Variants in FBXL20 observed in about 807,000 individuals in gnomAD.
FBXL20 encodes the protein F-box/LRR-repeat protein 20.
A neutral mutation model predicts 64.0 loss-of-function variants in FBXL20; 11 were observed. That is an observed-to-expected ratio of 0.17 (90% CI 0.11 to 0.28). The LOEUF (loss-of-function observed/expected upper bound fraction) is 0.28, where lower values mean the gene tolerates loss of function less well. FBXL20 is among the 10% of genes least tolerant of loss of function. The probability of loss-of-function intolerance (pLI) is 1.00; values close to 1 mark genes in which losing one functional copy is unlikely to be tolerated. For missense variants in FBXL20, 303 were observed against 526.2 expected, an observed-to-expected ratio of 0.58 and a Z score of 4.15; for synonymous variants, 184 against 189.0, an observed-to-expected ratio of 0.97 and a Z score of 0.22.
At chr17:39,276,356 A>G (rs2046894203) in intron 9 of FBXL20, among the ~76,000 whole-genome samples, 1 of 148,964 alleles carries the variant, frequency 6.7e-6, no homozygotes, top group Admixed American at 6.7e-5. Context: ...AGAAGAAAGA[A>G]AGGAAGAAGG....
At chr17:39,386,224 T>C (rs2048078566) in intron 1 of FBXL20, among the ~76,000 whole-genome samples, 2 of 151,796 alleles carry the variant, frequency 1.3e-5, no homozygotes, top group Non-Finnish European at 2.9e-5. Flanking sequence ...GGAGAATCTC[T>C]TGAACCTGGG....
rs1055601131 is a variant in FBXL20 at position 39,398,054 on chromosome 17, G to T, written c.42+3307C>A. On this transcript the variant is annotated intron_variant, in intron 1 of 14. Coordinates refer to ENST00000264658, the MANE Select transcript of FBXL20 (RefSeq NM_032875.3). ...AGGCCGGCGGGCGGGGGGGGGGGGG[G>T]GGTTGGATCACGAGGTCAGGAGCTC... Among the ~76,000 whole-genome samples, 8 of 88,208 alleles carry T rather than the reference G, an allele frequency of 9.1e-5. 2 individuals are homozygous for T. The highest frequency in any genetic ancestry group is 6.5e-4 in the South Asian group (1 of 1,540). 57.9% of individuals were successfully genotyped at this position (88,208 alleles called of 152,430 possible).
chr17:39,333,094 C>T (rs1008986491), intron 2 of FBXL20, among the ~76,000 whole-genome samples: 1 of 152,074 alleles, frequency 6.6e-6, no homozygotes, highest in Non-Finnish European at 1.5e-5. Context: ...TGAGTCACAC[C>T]TGGCTCTCTA....
intron 1 of FBXL20, among the ~76,000 whole-genome samples, chr17:39,381,380 T>C (rs2048021470): frequency 6.8e-6 from 1 of 146,906 alleles, no homozygotes; most frequent in South Asian, 2.1e-4. Context: ...CTTAGGAGGC[T>C]GAGGCAGGAG....
At chr17:39,324,120 T>G (rs1485549489) in intron 2 of FBXL20, among the ~76,000 whole-genome samples, 1 of 146,978 alleles carries the variant, frequency 6.8e-6, no homozygotes, top group Non-Finnish European at 1.5e-5. Context: ...CAAGATTTAG[T>G]TCTTATTCTT....
chr17:39,365,734 G>A (rs956708509), intron 1 of FBXL20, among the ~76,000 whole-genome samples: 2 of 152,158 alleles, frequency 1.3e-5, no homozygotes, highest in African/African-American at 2.4e-5. Flanking sequence ...GGACCTGGAG[G>A]ATTCCATGAA....
chr17:39,332,864 T>C (rs939834349), intron 2 of FBXL20, among the ~76,000 whole-genome samples: 3 of 152,096 alleles, frequency 2.0e-5, no homozygotes, highest in Admixed American at 6.6e-5. Flanking sequence ...TAATAAACCA[T>C]AGTTGTGTGT....
At chr17:39,392,718 AAAGT>A (rs781496447) in intron 1 of FBXL20, among the ~76,000 whole-genome samples, 3 of 152,074 alleles carry the variant, frequency 2.0e-5, no homozygotes, top group Admixed American at 6.5e-5. Context: ...TCACAAATTA[AAAGT>A]AAAACTGAGG....
chr17:39,279,101 A>G lies in FBXL20; in HGVS notation c.696+2288T>C, dbSNP rs1001471444. Among the ~76,000 whole-genome samples the G allele has an allele frequency of 3.3e-5, 5 of 151,978 alleles. No homozygotes were observed. In the South Asian group the frequency reaches 1.0e-3, roughly 32 times the overall value. On this transcript the variant is annotated intron_variant, in intron 9 of 14. Transcript: ENST00000264658. ...GGAGGTTGCAGAGAGCCGAGATCGC[A>G]CCACTGCACTCCAGCCTGGGCGATA...
intron 1 of FBXL20, among the ~76,000 whole-genome samples, chr17:39,381,951 G>T (rs1242803696): frequency 6.6e-6 from 1 of 150,770 alleles, no homozygotes; most frequent in Non-Finnish European, 1.5e-5. Flanking sequence ...CAAATTAGCT[G>T]GGCGTGGTGG....
chr17:39,288,385 T>C (rs1457049312), intron 6 of FBXL20, among the ~76,000 whole-genome samples: 1 of 152,192 alleles, frequency 6.6e-6, no homozygotes, highest in East Asian at 1.9e-4. Flanking sequence ...TTCTAAGAGC[T>C]TTCTATATAC....
chr17:39,338,065 T>C (rs865976251), intron 2 of FBXL20, among the ~76,000 whole-genome samples: 1 of 152,148 alleles, frequency 6.6e-6, no homozygotes, highest in African/African-American at 2.4e-5. Context: ...GAACGGGCCA[T>C]GATGACAATG....
chr17:39,267,187 G>A (rs1489875390), intron 12 of FBXL20, among the ~76,000 whole-genome samples: 3 of 152,226 alleles, frequency 2.0e-5, no homozygotes, highest in East Asian at 1.9e-4. Context: ...GGGAAGTGGA[G>A]GTTGCAGTGA....
intron 2 of FBXL20, among the ~76,000 whole-genome samples, chr17:39,327,897 T>C (rs931633567): frequency 3.9e-5 from 6 of 152,036 alleles, no homozygotes; most frequent in Non-Finnish European, 5.9e-5. Context: ...CTCTGTCTTA[T>C]GAGAAAGTCT....
intron 4 of FBXL20, among the ~76,000 whole-genome samples, chr17:39,299,799 C>CAACAAA (rs1044135384): frequency 1.6e-4 from 22 of 140,914 alleles, no homozygotes; most frequent in African/African-American, 2.7e-5. Flanking sequence ...ACAACAACAA[C>CAACAAA]AACAAAAACA....
intron 2 of FBXL20, among the ~76,000 whole-genome samples, chr17:39,310,576 A>G (rs1225853608): frequency 6.6e-6 from 1 of 152,102 alleles, no homozygotes; most frequent in Non-Finnish European, 1.5e-5. Flanking sequence ...GGGTAGGCAC[A>G]GTGGCTCATG....
At chr17:39,310,046 G>A (rs930587756) in intron 2 of FBXL20, among the ~76,000 whole-genome samples, 16 of 151,306 alleles carry the variant, frequency 1.1e-4, no homozygotes, top group African/African-American at 1.9e-4. Context: ...TCAGTTACTC[G>A]GGAGGCTGAG....
intron 10 of FBXL20, among the ~76,000 whole-genome samples, chr17:39,272,701 C>CAA (rs56138431): frequency 7.1e-5 from 7 of 98,856 alleles, no homozygotes; most frequent in Admixed American, 1.1e-4. Context: ...AACTCTATCT[C>CAA]AAAAAAAAAA....
chr17:39,362,248 G>C (rs1243501175), intron 1 of FBXL20, among the ~76,000 whole-genome samples: 2 of 151,098 alleles, frequency 1.3e-5, no homozygotes, highest in East Asian at 4.0e-4. Context: ...AGCCAAGACT[G>C]CCCCACTGCA....
Sources: gnomAD v4.1 joint callset for allele counts (sites outside exome capture counted in the v4.1 genomes callset) on GRCh38, gnomAD v4.1.1 for gene constraint, MANE v1.5 for transcripts, NCBI Gene and HGNC (gene_info 2026-07-23, HGNC 2026-07-21) for gene names.